The following NDUFS1 variants were observed in gnomAD, a reference collection of about 807,000 sequenced individuals.
The protein encoded by NDUFS1 is NADH:ubiquinone oxidoreductase core subunit S1, also known as NADH-ubiquinone oxidoreductase 75 kDa subunit, mitochondrial.
A neutral mutation model predicts 84.4 loss-of-function variants in NDUFS1; 61 were observed. The observed-to-expected ratio is 0.72, with a 90% CI of 0.59 to 0.89. NDUFS1 has a LOEUF of 0.89. Ranked by LOEUF, NDUFS1 falls within the 40% of genes least tolerant of loss-of-function variation. The pLI is 0.00. For missense variants in NDUFS1, 891 were observed against 890.0 expected (o/e 1.00, Z -0.01); for synonymous variants, 275 against 290.0 (o/e 0.95, Z 0.53).
intron 11 of NDUFS1, among the ~76,000 whole-genome samples, chr2:206,142,420 G>A (rs988774995): frequency 1.3e-5 from 2 of 152,164 alleles, no homozygotes; most frequent in Non-Finnish European, 2.9e-5. Flanking sequence ...TCGCCATGTT[G>A]GCCAGGCTGG....
chr2:206,127,815 A>G lies in NDUFS1; in HGVS notation c.1866T>C (p.Ile622=). ...ATTATACCTCAGAGAGTGCTCTTAT[A>G]ATTTTCCAGTCTTCTCTTGCCAAGC... ...PPGLAREDWK[I]IRALSEIAGM... Residue 622 remains isoleucine (I), a synonymous_variant, in exon 16 of 19, where the codon ATT becomes ATC. Transcript: ENST00000233190. 6.2e-7 allele frequency: 1 copy of G among 1,614,100 alleles called. No homozygotes were observed.
intron 18 of NDUFS1, 90 bp downstream of exon 18, chr2:206,126,449 A>G: frequency 8.7e-7 from 1 of 1,148,826 alleles, no homozygotes; most frequent in South Asian, 1.3e-5. Context: ...AAACACTATC[A>G]ATCACAAATT....
intron 1 of NDUFS1, among the ~76,000 whole-genome samples, chr2:206,158,514 A>G (rs1687768434): frequency 6.6e-6 from 1 of 152,248 alleles, no homozygotes; most frequent in Admixed American, 6.5e-5. Flanking sequence ...ATAACGGTTA[A>G]GTGAACTGAA....
At chr2:206,130,052 C>T in intron 15 of NDUFS1, 36 bp downstream of exon 15, 3 of 1,610,792 alleles carry the variant, frequency 1.9e-6, no homozygotes, top group Non-Finnish European at 1.7e-6. Flanking sequence ...TAATGTACTA[C>T]TCTCTTTTGT....
chr2:206,152,609 A>G, intron 2 of NDUFS1, 99 bp from the exon 3 acceptor site: 2 of 927,912 alleles, frequency 2.2e-6, no homozygotes, highest in Non-Finnish European at 3.5e-6. Flanking sequence ...AAAATTTTTC[A>G]TTCCTTATTA....
intron 8 of NDUFS1, among the ~76,000 whole-genome samples, chr2:206,146,433 G>C (rs1692156398): frequency 6.6e-6 from 1 of 152,124 alleles, no homozygotes; most frequent in East Asian, 1.9e-4. Flanking sequence ...CACACCTCTT[G>C]CATCTATCTA....
chr2:206,146,256 A>G (rs1334512557), intron 8 of NDUFS1, among the ~76,000 whole-genome samples: 3 of 152,248 alleles, frequency 2.0e-5, no homozygotes, highest in African/African-American at 7.2e-5. Flanking sequence ...AAAGAAAATC[A>G]TATTTAAAAA....
chr2:206,125,119 TAC>T (rs1691239765), intron 18 of NDUFS1, among the ~76,000 whole-genome samples: 1 of 152,026 alleles, frequency 6.6e-6, no homozygotes, highest in Non-Finnish European at 1.5e-5. Context: ...ATGCTGGAAT[TAC>T]AGGCATGAGC....
intron 1 of NDUFS1, among the ~76,000 whole-genome samples, chr2:206,156,124 G>T (rs1222532232): frequency 6.6e-6 from 1 of 151,736 alleles, no homozygotes; most frequent in East Asian, 2.0e-4. Context: ...ATAGCCGGGC[G>T]TGGTGGCAGG....
intron 18 of NDUFS1, among the ~76,000 whole-genome samples, chr2:206,125,539 AATATAAT>A (rs200012933): frequency 0.026 from 3,977 of 152,012 alleles, 175 homozygotes; most frequent in African/African-American, 0.091. Flanking sequence ...ATAGTTAATT[AATATAAT>A]ATATATGTGT....
At position 206,116,566 on chromosome 2, in the gene NDUFS1, TG is replaced by T. The variant is rs1372494438; in HGVS notation, c.*7618del. On this transcript the variant is annotated 3_prime_UTR_variant, in exon 19 of 19. Coordinates refer to ENST00000233190, the MANE Select transcript of NDUFS1 (RefSeq NM_005006.7). ...ACTCGCGCGGGGAGGCGGGGCGGTGTGGGCAGAAGTAAATTTCTTTATAAAT... is the reference window on the plus strand; with the variant it reads ...ACTCGCGCGGGGAGGCGGGGCGGTGTGGCAGAAGTAAATTTCTTTATAAAT... The T allele has an allele frequency of 4.9e-6, 3 of 614,584 alleles. No individual in the cohort carries two copies. In the African/African-American group the frequency reaches 5.5e-5, roughly 11 times the overall value. 38.1% of individuals were successfully genotyped at this position (614,584 alleles called of 1,614,324 possible).
At chr2:206,151,909 A>G (rs951290247) in intron 3 of NDUFS1, among the ~76,000 whole-genome samples, 1 of 152,090 alleles carries the variant, frequency 6.6e-6, no homozygotes, top group African/African-American at 2.4e-5. Flanking sequence ...TCTGTTGCCC[A>G]GGCTGGAGTG....
At position 206,147,983 on chromosome 2, in the gene NDUFS1, T is replaced by A. The variant is rs546639461; in HGVS notation, c.339-149A>T. The A allele has an allele frequency of 1.7e-4, 125 of 754,106 alleles. 1 individual carries two copies. The highest frequency in any genetic ancestry group is 2.6e-4 in the Non-Finnish European group (113 of 435,774). The allele number at this position is 754,106 out of a possible 1,614,324, so 46.7% of individuals were successfully genotyped here. Reference sequence around the variant, plus strand: ...CTCAGGCTGCAGTGCAGTGGCACAATCTTGGCTCACTGCAGCCTCCTGCCT... The same window carrying A: ...CTCAGGCTGCAGTGCAGTGGCACAAACTTGGCTCACTGCAGCCTCCTGCCT... On this transcript the variant is annotated intron_variant, in intron 5 of 18. Transcript: ENST00000233190.
At chr2:206,158,013 G>A (rs1400285177) in intron 1 of NDUFS1, among the ~76,000 whole-genome samples, 1 of 147,838 alleles carries the variant, frequency 6.8e-6, no homozygotes, top group Non-Finnish European at 1.5e-5. Context: ...GCCCAGGCTG[G>A]AGTGCAGCGG....
chr2:206,144,804 T>A (rs1006953315), intron 9 of NDUFS1, 88 bp downstream of exon 9: 1 of 1,384,280 alleles, frequency 7.2e-7, no homozygotes, highest in Non-Finnish European at 1.0e-6. Flanking sequence ...GTAACTAATT[T>A]GCAAATATAA....
rs1687793468 is a variant in NDUFS1, at chr2:206,158,965, G to C, written c.-5+376C>G. On this transcript the variant is annotated intron_variant, in intron 1 of 18. Coordinates refer to ENST00000233190, the MANE Select transcript of NDUFS1 (RefSeq NM_005006.7). ...CTGTATCAGGCGTGTAAAAATCTGG[G>C]GGGAAAGGCTTAGTCTTAAGGCCTA... 4.2e-6 allele frequency: 4 copies of C among 944,100 alleles called. No homozygotes were observed. In the South Asian group the frequency reaches 4.6e-5, roughly 11 times the overall value. The allele number at this position is 944,100 out of a possible 1,614,324, so 58.5% of individuals were successfully genotyped here.
In NDUFS1 at chr2:206,147,752, C is replaced by T; in HGVS notation, c.420+1G>A. On this transcript the variant is annotated splice_donor_variant, in intron 6 of 18. Transcript: ENST00000233190. LOFTEE classifies it high-confidence loss of function. ...AAGATTGACAGAATTCTACTACATA[C>T]CTGCAGATCACATTCACCTCCCTGG... is the stretch of plus-strand genomic sequence containing the variant. 6.2e-7 allele frequency: 1 copy of T among 1,613,954 alleles called. No individual in the cohort carries two copies. Among genetic ancestry groups the T allele is most frequent in the Non-Finnish European group, 8.5e-7 (1 of 1,179,884 alleles).
At position 206,116,485 on chromosome 2, in the gene NDUFS1, C is replaced by T. The variant is rs1397266220; in HGVS notation, c.*7700G>A. On this transcript the variant is annotated 3_prime_UTR_variant, in exon 19 of 19. Coordinates refer to ENST00000233190, the MANE Select transcript of NDUFS1 (RefSeq NM_005006.7). ...CAGAGCACGGCCCGCACGCTCCGCA[C>T]CACTCGCAGCGCCATGTTCCCAGGG... The T allele has an allele frequency of 3.3e-6, 4 of 1,207,128 alleles. No homozygotes were observed. The African/African-American group carries it at 4.5e-5, about 14-fold the overall frequency. The allele number at this position is 1,207,128 out of a possible 1,614,324, so 74.8% of individuals were successfully genotyped here. A position where few individuals can be genotyped will look rare whatever the true frequency, so the allele number is the denominator to read the frequency against.
chr2:206,138,341 A>G (rs533783943), intron 13 of NDUFS1, 144 bp downstream of exon 13: 1 of 827,878 alleles, frequency 1.2e-6, no homozygotes, highest in South Asian at 1.6e-5. Flanking sequence ...TCGGACTCCC[A>G]AAGTGCTGGG....
Sources: allele counts gnomAD v4.1 joint callset (sites outside exome capture counted in the v4.1 genomes callset), GRCh38; gene constraint gnomAD v4.1.1; transcripts MANE v1.5; gene names NCBI Gene and HGNC (gene_info 2026-07-23, HGNC 2026-07-21).